The following NOS1AP variants were observed in gnomAD, a reference collection of about 807,000 sequenced individuals.
NOS1AP encodes nitric oxide synthase 1 adaptor protein, also known as carboxyl-terminal PDZ ligand of neuronal nitric oxide synthase protein.
Under a neutral mutation model 56.2 loss-of-function variants are expected in NOS1AP, and 21 were observed. The ratio of observed to expected loss-of-function variants is 0.37; its 90% CI spans 0.26 to 0.54. The LOEUF is 0.54. Among genes scored for constraint, NOS1AP ranks in the 20% least tolerant of loss-of-function variants. The pLI is 0.84. For synonymous variants in NOS1AP, 270 were observed against 274.6 expected (o/e 0.98, Z 0.17); for missense variants, 522 against 657.8 (o/e 0.79, Z 2.26).
At chr1:162,277,636 A>G (rs7523388) in intron 2 of NOS1AP, among the ~76,000 whole-genome samples, 124,019 of 152,156 alleles carry the variant, frequency 0.82, 51,604 homozygotes, top group Non-Finnish European at 0.9. Flanking sequence ...TTGGGAGAGC[A>G]TAGGAAAAGC....
In NOS1AP at chr1:162,333,045, G is replaced by A. The variant is rs1436911756; in HGVS notation, c.373G>A (p.Asp125Asn). The A allele has an allele frequency of 6.2e-7, 1 of 1,613,658 alleles. No individual in the cohort carries two copies. Among genetic ancestry groups the A allele is most frequent in the Non-Finnish European group, 8.5e-7 (1 of 1,179,614 alleles). ...RIFYVSHDSQ[D>N]LKIFSYIARD... ...CTTCTATGTCTCTCATGATTCCCAA[G>A]ACTTGAAGATCTTCAGCTATATCGC... is the stretch of plus-strand genomic sequence containing the variant. The change falls in exon 5 of 10, where the codon GAC becomes AAC. Residue 125 changes from aspartate to asparagine, a missense_variant. Transcript: ENST00000361897.
chr1:162,329,173 A>C (rs1656685684), intron 4 of NOS1AP, among the ~76,000 whole-genome samples: 1 of 152,226 alleles, frequency 6.6e-6, no homozygotes, highest in Admixed American at 6.5e-5. Context: ...ACTGTGTAAA[A>C]GCATAACAGT....
At chr1:162,302,576 C>T (rs987539960) in intron 4 of NOS1AP, among the ~76,000 whole-genome samples, 1 of 152,156 alleles carries the variant, frequency 6.6e-6, no homozygotes, top group African/African-American at 2.4e-5. Flanking sequence ...TGAGTTCTGC[C>T]TTTTCCTGGT....
intron 4 of NOS1AP, among the ~76,000 whole-genome samples, chr1:162,328,823 G>T (rs562334897): frequency 3.7e-4 from 56 of 152,342 alleles, no homozygotes; most frequent in African/African-American, 1.1e-3. Flanking sequence ...CAGATACTTT[G>T]TTAGAGAGTG....
chr1:162,180,354 T>G (rs1651211229), intron 2 of NOS1AP, among the ~76,000 whole-genome samples: 1 of 152,132 alleles, frequency 6.6e-6, no homozygotes, highest in Non-Finnish European at 1.5e-5. Flanking sequence ...ACGCCGTTCT[T>G]CTGCCTCAGC....
intron 4 of NOS1AP, among the ~76,000 whole-genome samples, chr1:162,305,352 C>A (rs537077897): frequency 1.3e-4 from 19 of 151,806 alleles, no homozygotes; most frequent in African/African-American, 4.6e-4. Flanking sequence ...AAGAGGTTAA[C>A]AACACTATGG....
At position 162,221,234 on chromosome 1, in the gene NOS1AP, C is replaced by T. The variant is rs376188811; in HGVS notation, c.178-66110C>T. On this transcript the variant is annotated intron_variant, in intron 2 of 9. Transcript: ENST00000361897. ...GATTAAAGGCGTGAGCCACCGCGCC[C>T]AGCCCACACACTATTTTTAAACACA... Among the ~76,000 whole-genome samples the T allele has an allele frequency of 5.9e-5, 9 of 152,320 alleles. No individual in the cohort carries two copies. In the East Asian group the frequency reaches 1.7e-3, roughly 29 times the overall value.
chr1:162,162,792 G>A (rs1325603319), intron 2 of NOS1AP, among the ~76,000 whole-genome samples: 1 of 152,082 alleles, frequency 6.6e-6, no homozygotes, highest in Non-Finnish European at 1.5e-5. Flanking sequence ...TTGGGTAACA[G>A]CTTTTTGAGG....
chr1:162,120,647 T>C lies in NOS1AP; in HGVS notation c.106-33758T>C, dbSNP rs377677001. On this transcript the variant is annotated intron_variant, in intron 1 of 9. Coordinates refer to ENST00000361897, the MANE Select transcript of NOS1AP (RefSeq NM_014697.3). ...CCCCTTATAAAAGCATCAGATCTCG[T>C]GACACTTATTTACTACCATGAGAAC... Among the ~76,000 whole-genome samples, 17 of 152,280 alleles carry C rather than the reference T, an allele frequency of 1.1e-4. No homozygotes were observed. The East Asian group carries it at 2.7e-3, about 24-fold the overall frequency.
intron 1 of NOS1AP, among the ~76,000 whole-genome samples, chr1:162,117,064 C>A (rs531240457): frequency 2.0e-5 from 3 of 152,224 alleles, no homozygotes; most frequent in East Asian, 3.9e-4. Flanking sequence ...GATATGTATA[C>A]CCTAGCACTA....
intron 1 of NOS1AP, among the ~76,000 whole-genome samples, chr1:162,120,513 TCA>T (rs1648168317): frequency 6.6e-6 from 1 of 152,248 alleles, no homozygotes; most frequent in Non-Finnish European, 1.5e-5. Flanking sequence ...TTTAATGGAC[TCA>T]CAGTTCCATG....
chr1:162,140,985 G>GT (rs1421399385), intron 1 of NOS1AP, among the ~76,000 whole-genome samples: 1 of 151,964 alleles, frequency 6.6e-6, no homozygotes, highest in Non-Finnish European at 1.5e-5. Flanking sequence ...TATTGGATTT[G>GT]TTTTTTTGCT....
intron 2 of NOS1AP, among the ~76,000 whole-genome samples, chr1:162,220,289 T>C (rs1652726045): frequency 6.6e-6 from 1 of 152,092 alleles, no homozygotes; most frequent in African/African-American, 2.4e-5. Flanking sequence ...TCTGTATAAC[T>C]ACCTCCCTCA....
chr1:162,124,508 A>T (rs1281157003), intron 1 of NOS1AP, among the ~76,000 whole-genome samples: 2 of 2,480 alleles, frequency 8.1e-4, no homozygotes, highest in African/African-American at 0.011. Context: ...TGTGTGTGTG[A>T]CACACACACA....
chr1:162,083,828 T>C (rs182070470), intron 1 of NOS1AP, among the ~76,000 whole-genome samples: 2 of 152,286 alleles, frequency 1.3e-5, no homozygotes, highest in Admixed American at 6.5e-5. Flanking sequence ...TGAAGTAGCA[T>C]AGGGCCTGAG....
intron 1 of NOS1AP, among the ~76,000 whole-genome samples, chr1:162,090,627 C>G (rs954725513): frequency 2.0e-5 from 3 of 151,966 alleles, no homozygotes; most frequent in Non-Finnish European, 1.5e-5. Context: ...GATCTCTTTC[C>G]TATTATTTCT....
At chr1:162,186,094 G>A (rs1000159747) in intron 2 of NOS1AP, among the ~76,000 whole-genome samples, 4 of 152,126 alleles carry the variant, frequency 2.6e-5, no homozygotes, top group African/African-American at 9.7e-5. Flanking sequence ...TGTAATTATG[G>A]CATCAAGATG....
At chr1:162,093,060 A>G (rs962257213) in intron 1 of NOS1AP, among the ~76,000 whole-genome samples, 1 of 152,168 alleles carries the variant, frequency 6.6e-6, no homozygotes, top group African/African-American at 2.4e-5. Flanking sequence ...TAGGGAAGTT[A>G]AGTCTTAGTG....
At chr1:162,345,200 C>T (rs2101808591) in intron 6 of NOS1AP, among the ~76,000 whole-genome samples, 1 of 151,144 alleles carries the variant, frequency 6.6e-6, no homozygotes, top group Admixed American at 6.6e-5. Flanking sequence ...TACATGTGCA[C>T]ATTGTGCAGG....
Sources: gnomAD v4.1 joint callset for allele counts (sites outside exome capture counted in the v4.1 genomes callset) on GRCh38, gnomAD v4.1.1 for gene constraint, MANE v1.5 for transcripts, NCBI Gene and HGNC (gene_info 2026-07-23, HGNC 2026-07-21) for gene names.